Variants in PDE4C observed in about 807,000 individuals in gnomAD.
PDE4C encodes 3',5'-cyclic-AMP phosphodiesterase 4C.
In PDE4C, 50 loss-of-function variants were observed where a neutral mutation model predicts 63.9. That is an observed-to-expected ratio of 0.78 (90% CI 0.62 to 0.99). The LOEUF (loss-of-function observed/expected upper bound fraction) is 0.99, where lower values mean the gene tolerates loss of function less well. PDE4C is among the 50% of genes least tolerant of loss of function. The pLI is 0.00. For missense variants in PDE4C, 777 were observed against 899.1 expected (o/e 0.86, Z 1.74); for synonymous variants, 377 against 385.1 (o/e 0.98, Z 0.25).
At chr19:18,210,921 G>A in exon 15 of PDE4C, 2 of 1,594,102 alleles carry the variant, frequency 1.3e-6, no homozygotes, top group Non-Finnish European at 8.6e-7. Context: ...GTTCACGCAG[G>A]GCTGGCCCTA....
At chr19:18,235,229 G>T (rs1216470528), upstream of PDE4C, among the ~76,000 whole-genome samples, 1 of 152,154 alleles carries the variant, frequency 6.6e-6, no homozygotes, top group African/African-American at 2.4e-5. Context: ...GGAGTGTAAT[G>T]GTGCGATCTT....
chr19:18,252,930 T>C (rs904445353), upstream of PDE4C, among the ~76,000 whole-genome samples: 2 of 152,178 alleles, frequency 1.3e-5, no homozygotes, highest in African/African-American at 2.4e-5. Flanking sequence ...TTTTAATTAA[T>C]TTATTTTTTT....
chr19:18,253,234 G>T, the PDE4C span, among the ~76,000 whole-genome samples: 2 of 152,138 alleles, frequency 1.3e-5, no homozygotes, highest in Non-Finnish European at 2.9e-5. Flanking sequence ...CATCAGTCAG[G>T]TTCATAGTGG....
rs1417935398 is a variant in PDE4C, at chr19:18,220,504, G to A, written c.511C>T (p.Gln171Ter). 1.1e-5 allele frequency: 18 copies of A among 1,613,428 alleles called. No individual in the cohort carries two copies. In the Admixed American group the frequency reaches 2.7e-4, roughly 24 times the overall value. ...TCTAGCGTCTCCAATGCCAGCTTCTGCCCCGTGTCCTCTGGGAGCCGAGGC... is the reference window on the plus strand; with the variant it reads ...TCTAGCGTCTCCAATGCCAGCTTCTACCCCGTGTCCTCTGGGAGCCGAGGC... Residue 171 changes from glutamine (Q) to a stop codon, truncating the protein, a stop_gained, in exon 6 of 15, where the codon CAG (glutamine) becomes TAG (stop). Transcript: ENST00000262805. LOFTEE classifies it high-confidence loss of function. This position sits in a 1 kb window ranked among gnomAD's most constrained non-coding sequence, Gnocchi z 5.1.
chr19:18,250,565 A>G, upstream of PDE4C: 1 of 398,056 alleles, frequency 2.5e-6, no homozygotes, highest in Non-Finnish European at 4.4e-6. Context: ...ATCTGTTCTC[A>G]GGAAGCTGAC....
At chr19:18,226,052 CGG>C (rs1311671648) in intron 1 of PDE4C, among the ~76,000 whole-genome samples, 2 of 152,134 alleles carry the variant, frequency 1.3e-5, no homozygotes, top group Non-Finnish European at 1.5e-5. Flanking sequence ...TGGAGACAGA[CGG>C]AGACAGAGAG....
chr19:18,221,185 G>C lies in PDE4C; in HGVS notation c.376-7C>G. 1 of 1,571,824 alleles carries C rather than the reference G, an allele frequency of 6.4e-7. No homozygotes were observed. The stretch of plus-strand genomic sequence containing the variant: ...TCCGCAGACTGGCCAGGACCTGTTG[G>C]GAGGAGGTGGTAGGCGGTGGGAAGG... On this transcript the variant is annotated splice_region_variant and splice_polypyrimidine_tract_variant and intron_variant, in intron 3 of 14. Coordinates refer to ENST00000262805, the Ensembl canonical transcript of PDE4C.
exon 9 of PDE4C, chr19:18,218,994 C>A: frequency 6.2e-7 from 1 of 1,613,630 alleles, no homozygotes; most frequent in Non-Finnish European, 8.5e-7. Context: ...TTAGCTCCGC[C>A]ACCTTGAACA....
upstream of PDE4C, among the ~76,000 whole-genome samples, chr19:18,251,573 T>A (rs1189229946): frequency 6.6e-6 from 1 of 151,864 alleles, no homozygotes; most frequent in Non-Finnish European, 1.5e-5. Context: ...TTGCTGAGAT[T>A]ACAGGCGTCT....
rs765819248 is a variant in PDE4C at position 18,216,785 on chromosome 19, T to TGAGGTTCTGGAAGATATC, written c.1327_1344dup (p.Asp443_Leu448dup). On this transcript the variant is annotated inframe_insertion, in exon 12 of 15. Coordinates refer to ENST00000262805, the Ensembl canonical transcript of PDE4C. The stretch of plus-strand genomic sequence containing the variant: ...CGCAGACTCAGTCGCTGCTTGGCGC[T>TGAGGTTCTGGAAGATATC]GAGGTTCTGGAAGATATCGCAGTTC... The TGAGGTTCTGGAAGATATC allele has an allele frequency of 3.7e-6, 6 of 1,613,678 alleles. No homozygotes were observed. The South Asian group carries it at 6.6e-5, about 18-fold the overall frequency.
At chr19:18,234,679 G>A (rs114939883), upstream of PDE4C, among the ~76,000 whole-genome samples, 277 of 152,184 alleles carry the variant, frequency 1.8e-3, 3 homozygotes, top group African/African-American at 6.4e-3. Context: ...GAAGAGCCCC[G>A]ATGTTTTTGG....
chr19:18,251,699 G>GCCCCCGCCCCCT (rs1969231975), upstream of PDE4C, among the ~76,000 whole-genome samples: 1 of 53,040 alleles, frequency 1.9e-5, no homozygotes, highest in Non-Finnish European at 4.0e-5. Context: ...CCCCGCCCCC[G>GCCCCCGCCCCCT]CCCTCGGCCT....
At chr19:18,247,019 G>A (rs4808120) in intron 1 of PDE4C, among the ~76,000 whole-genome samples, 43,355 of 152,140 alleles carry the variant, frequency 0.28, 6,372 homozygotes, top group African/African-American at 0.31. Context: ...TCCAGCCCCC[G>A]CAGGGTTTTC....
At chr19:18,239,438 A>G (rs1017369664) in intron 1 of PDE4C, among the ~76,000 whole-genome samples, 4 of 152,198 alleles carry the variant, frequency 2.6e-5, no homozygotes, top group African/African-American at 9.6e-5. Flanking sequence ...GTCCAGGGCA[A>G]GCGGCCTCAG....
At chr19:18,250,535 A>C, upstream of PDE4C, 1 of 378,160 alleles carries the variant, frequency 2.6e-6, no homozygotes, top group Non-Finnish European at 4.5e-6. Flanking sequence ...GACACCCACC[A>C]GGGCCCAGAG....
At chr19:18,229,102 A>T (rs1242604211), upstream of PDE4C, among the ~76,000 whole-genome samples, 5 of 124,552 alleles carry the variant, frequency 4.0e-5, no homozygotes, top group Admixed American at 3.4e-4. Context: ...TGCCAAGCTA[A>T]TTTTTTTTTT....
intron 1 of PDE4C, among the ~76,000 whole-genome samples, chr19:18,241,255 G>GTTTT (rs200717537): frequency 3.8e-5 from 3 of 78,512 alleles, no homozygotes; most frequent in Non-Finnish European, 7.2e-5. Flanking sequence ...TTCTTCTCTT[G>GTTTT]TTTTTTTTTT....
intron 2 of PDE4C, 151 bp downstream of exon 2, chr19:18,221,981 C>T (rs1468726498): frequency 2.4e-5 from 16 of 673,264 alleles, no homozygotes; most frequent in South Asian, 2.3e-4. Flanking sequence ...AAGTTCTCTA[C>T]ACACTTGATT....
intron 13 of PDE4C, 78 bp from the exon 14 acceptor site, chr19:18,212,019 G>A: frequency 7.0e-7 from 1 of 1,435,622 alleles, no homozygotes; most frequent in Non-Finnish European, 9.7e-7. Context: ...GACAGGCTTG[G>A]TGCCATGGAC....
Sources: allele counts gnomAD v4.1 joint callset (sites outside exome capture counted in the v4.1 genomes callset), GRCh38; gene constraint gnomAD v4.1.1; non-coding constraint Gnocchi (gnomAD v3.1); transcripts MANE v1.5; gene names NCBI Gene and HGNC (gene_info 2026-07-23, HGNC 2026-07-21).